Variants in NCOA6 observed in about 807,000 individuals in gnomAD.
NCOA6 encodes the protein NRC RAP250.
A neutral mutation model predicts 171.4 loss-of-function variants in NCOA6; 49 were observed. That is an observed-to-expected ratio of 0.29 (90% CI 0.23 to 0.36). NCOA6 has a LOEUF of 0.36. Ranked by LOEUF, NCOA6 falls within the 10% of genes least tolerant of loss-of-function variation. The probability of loss-of-function intolerance (pLI) is 1.00; values close to 1 mark genes in which losing one functional copy is unlikely to be tolerated. For synonymous variants in NCOA6, 910 were observed against 927.5 expected (o/e 0.98, Z 0.34); for missense variants, 2,248 against 2,554.5 (o/e 0.88, Z 2.59).
chr20:34,718,052 C>T (rs1308224687), intron 14 of NCOA6, among the ~76,000 whole-genome samples: 1 of 151,980 alleles, frequency 6.6e-6, no homozygotes, highest in Non-Finnish European at 1.5e-5. Context: ...TGCCTCTGAG[C>T]GTGAATCAAT....
rs1298121586 is a variant in NCOA6, at chr20:34,750,507, G to A, written c.1688C>T (p.Ala563Val). ...QNVQHAGGQG[A>V]GPPQNQMQVS... ...CTGCATCTGGTTTTGAGGAGGACCAGCTCCTTGACCACCTTAAAAAAAAAA... is the reference window on the plus strand; with the variant it reads ...CTGCATCTGGTTTTGAGGAGGACCAACTCCTTGACCACCTTAAAAAAAAAA... Residue 563 changes from alanine (A) to valine (V), a missense_variant, in exon 9 of 15, where the codon GCT becomes GTT. This residue lies in a region of NCOA6 where 987 missense variants were observed against 1,104.7 expected (regional missense o/e 0.89). Coordinates refer to ENST00000359003, the MANE Select transcript of NCOA6 (RefSeq NM_014071.5). The A allele has an allele frequency of 1.3e-6, 2 of 1,584,974 alleles. No individual in the cohort carries two copies. The highest frequency in any genetic ancestry group is 1.7e-6 in the Non-Finnish European group (2 of 1,166,114).
intron 10 of NCOA6, among the ~76,000 whole-genome samples, chr20:34,745,749 C>T (rs1381555310): frequency 6.6e-6 from 1 of 152,076 alleles, no homozygotes; most frequent in East Asian, 1.9e-4. Flanking sequence ...TATCTTCAAC[C>T]GTGTCATAGG....
intron 1 of NCOA6, among the ~76,000 whole-genome samples, chr20:34,810,765 C>T (rs1397547704): frequency 1.3e-5 from 2 of 151,998 alleles, no homozygotes; most frequent in African/African-American, 2.4e-5. Context: ...ACCGTGGTCT[C>T]GATCTCCTGA....
chr20:34,799,784 T>C (rs2078198026), intron 1 of NCOA6, among the ~76,000 whole-genome samples: 1 of 152,072 alleles, frequency 6.6e-6, no homozygotes, highest in Non-Finnish European at 1.5e-5. Flanking sequence ...AAATAAAGAC[T>C]TTCCCAAACA....
intron 12 of NCOA6, 140 bp from the exon 13 acceptor site, chr20:34,732,735 A>C: frequency 1.6e-6 from 1 of 632,150 alleles, no homozygotes; most frequent in Non-Finnish European, 2.7e-6. Context: ...CATGGTATGG[A>C]GACAAAGCTG....
intron 11 of NCOA6, 43 bp downstream of exon 11, chr20:34,740,320 C>T (rs374495066): frequency 1.3e-4 from 211 of 1,572,948 alleles, no homozygotes; most frequent in Middle Eastern, 1.7e-4. Context: ...ATTAGGTCAT[C>T]AAAAAACTGA....
chr20:34,765,425 G>A (rs1409317319), intron 5 of NCOA6, among the ~76,000 whole-genome samples: 3 of 140,674 alleles, frequency 2.1e-5, no homozygotes, highest in Non-Finnish European at 4.6e-5. Context: ...AGGCGACAGA[G>A]CGAGAGTCCG....
chr20:34,741,626 A>G lies in NCOA6; in HGVS notation c.4630T>C (p.Ser1544Pro). Residue 1544 changes from serine (S) to proline (P), a missense_variant, in exon 11 of 15, where the codon TCT (serine) becomes CCT (proline). By Grantham distance (74) the Ser-to-Pro change is moderately conservative. Transcript: ENST00000359003. Reference sequence around the variant, plus strand: ...CTGTGAGGTAAGTTTAGGGAATTAGAAGGTTCTTTAGAAGAAGACAGATCC... The same window carrying G: ...CTGTGAGGTAAGTTTAGGGAATTAGGAGGTTCTTTAGAAGAAGACAGATCC... ...LQDLSSSKEP[S>P]NSLNLPHSNE... is the part of the protein sequence containing the mutation. 1.9e-6 allele frequency: 3 copies of G among 1,614,166 alleles called. No homozygotes were observed. Among genetic ancestry groups the G allele is most frequent in the Non-Finnish European group, 2.5e-6 (3 of 1,180,032 alleles).
intron 1 of NCOA6, among the ~76,000 whole-genome samples, chr20:34,813,018 G>A (rs1037618067): frequency 8.6e-5 from 13 of 152,002 alleles, no homozygotes; most frequent in Non-Finnish European, 1.6e-4. Context: ...AATTAGCTGG[G>A]AATGGTGGAA....
chr20:34,803,528 G>T (rs2078329504), intron 1 of NCOA6, among the ~76,000 whole-genome samples: 1 of 151,200 alleles, frequency 6.6e-6, no homozygotes, highest in Admixed American at 6.6e-5. Flanking sequence ...CATCAAACTG[G>T]AAGATTTAAA....
intron 1 of NCOA6, chr20:34,819,741 T>C (rs1230807204): frequency 6.6e-6 from 1 of 152,208 alleles, no homozygotes; most frequent in Non-Finnish European, 1.5e-5. Flanking sequence ...AGCTAATATT[T>C]ATTGAGCATG....
intron 1 of NCOA6, among the ~76,000 whole-genome samples, chr20:34,806,641 G>A (rs914150553): frequency 6.6e-6 from 1 of 152,132 alleles, no homozygotes; most frequent in Non-Finnish European, 1.5e-5. Context: ...AGTTTTCTCA[G>A]CATATGCATT....
intron 8 of NCOA6, among the ~76,000 whole-genome samples, chr20:34,752,764 A>C (rs2076526325): frequency 6.6e-6 from 1 of 152,012 alleles, no homozygotes; most frequent in Non-Finnish European, 1.5e-5. Context: ...CCCCATCTCT[A>C]CTAAAAATTA....
chr20:34,802,969 C>A (rs2078305851), intron 1 of NCOA6, among the ~76,000 whole-genome samples: 2 of 151,880 alleles, frequency 1.3e-5, no homozygotes, highest in African/African-American at 4.8e-5. Flanking sequence ...CTCCACCATG[C>A]CCGGCTAATT....
intron 1 of NCOA6, among the ~76,000 whole-genome samples, chr20:34,801,061 A>G (rs1390966404): frequency 6.6e-6 from 1 of 152,186 alleles, no homozygotes; most frequent in Non-Finnish European, 1.5e-5. Flanking sequence ...GAAATTTTGG[A>G]AACTATACAA....
At chr20:34,724,791 C>CTT (rs200702546) in intron 14 of NCOA6, among the ~76,000 whole-genome samples, 6 of 142,810 alleles carry the variant, frequency 4.2e-5, no homozygotes, top group Non-Finnish European at 6.2e-5. Flanking sequence ...AAGACAGAGA[C>CTT]TTTTTTTTTT....
At position 34,715,075 on chromosome 20, in the gene NCOA6, G is replaced by T; in HGVS notation, c.*247C>A. On this transcript the variant is annotated 3_prime_UTR_variant, in exon 15 of 15. Coordinates refer to ENST00000359003, the MANE Select transcript of NCOA6 (RefSeq NM_014071.5). ...TGTGAAAACTAGTAACATTTATAAT[G>T]GCATTAGCTCCTTTCAATACAAGAC... 2.2e-6 allele frequency: 1 copy of T among 451,958 alleles called. No individual in the cohort carries two copies. The highest frequency in any genetic ancestry group is 4.4e-5 in the East Asian group (1 of 22,680). The allele number at this position is 451,958 out of a possible 1,614,324, so 28.0% of individuals were successfully genotyped here.
intron 4 of NCOA6, among the ~76,000 whole-genome samples, chr20:34,771,345 G>A (rs2077145039): frequency 6.6e-6 from 1 of 151,822 alleles, no homozygotes; most frequent in East Asian, 1.9e-4. Flanking sequence ...TATTGCTCAG[G>A]CTGGTCTCAA....
At position 34,754,813 on chromosome 20, in the gene NCOA6, A is replaced by G. The variant is rs369380441; in HGVS notation, c.1584T>C (p.Phe528=). The G allele has an allele frequency of 1.0e-4, 164 of 1,614,074 alleles. No individual in the cohort carries two copies. The highest frequency in any genetic ancestry group is 1.3e-4 in the Non-Finnish European group (156 of 1,180,044). The change falls in exon 8 of 15, where the codon TTT becomes TTC. Residue 528 remains phenylalanine (F), a synonymous_variant. Coordinates refer to ENST00000359003, the MANE Select transcript of NCOA6 (RefSeq NM_014071.5). ...GFSAGQANPN[F]MQGQVPSTTA... The stretch of plus-strand genomic sequence containing the variant: ...TGGTCGAAGGCACCTGACCTTGCAT[A>G]AAGTTCGGATTGGCCTGTCCTGCTG...
Sources: allele counts gnomAD v4.1 joint callset (sites outside exome capture counted in the v4.1 genomes callset), GRCh38; gene constraint gnomAD v4.1.1; regional missense constraint gnomAD v4.1.1; transcripts MANE v1.5; gene names NCBI Gene and HGNC (gene_info 2026-07-23, HGNC 2026-07-21).